LYG2: variants seen among roughly 807,000 people sequenced by gnomAD.
LYG2 encodes lysozyme g2.
A neutral mutation model predicts 22.4 loss-of-function variants in LYG2; 25 were observed. That is an observed-to-expected ratio of 1.12 (90% CI 0.81 to 1.56). The LOEUF is 1.56. Ranked by LOEUF, LYG2 falls within the 40% of genes most tolerant of loss-of-function variation. The pLI is 0.00. For missense variants in LYG2, 266 were observed against 269.5 expected (o/e 0.99, Z 0.09); for synonymous variants, 88 against 97.0 (o/e 0.91, Z 0.55).
chr2:99,247,603 C>T (rs1193159064), intron 3 of LYG2, among the ~76,000 whole-genome samples: 1 of 152,146 alleles, frequency 6.6e-6, no homozygotes, highest in Non-Finnish European at 1.5e-5. Context: ...CTCCCTCCCT[C>T]CTTCCTTTTA....
At chr2:99,252,739 A>G (rs2094028850) in intron 3 of LYG2, among the ~76,000 whole-genome samples, 1 of 152,064 alleles carries the variant, frequency 6.6e-6, no homozygotes. Context: ...GTTACCCAGG[A>G]AGCTTATTAA....
intron 6 of LYG2, chr2:99,243,324 G>A: frequency 1.0e-6 from 1 of 956,048 alleles, no homozygotes; most frequent in Non-Finnish European, 1.6e-6. Context: ...ATTCCATCTG[G>A]GAGATGCTGA....
intron 5 of LYG2, 63 bp from the exon 6 acceptor site, chr2:99,244,200 T>G: frequency 2.0e-6 from 3 of 1,528,192 alleles, no homozygotes; most frequent in Non-Finnish European, 2.7e-6. Context: ...CTGCCATTCC[T>G]AATTTCCTCT....
At chr2:99,251,723 C>G (rs549380120) in intron 3 of LYG2, among the ~76,000 whole-genome samples, 1 of 152,216 alleles carries the variant, frequency 6.6e-6, no homozygotes, top group South Asian at 2.1e-4. Context: ...CTAAGTGGAA[C>G]CAGCGCTCCT....
chr2:99,245,613 A>G (rs1379001161), intron 4 of LYG2, among the ~76,000 whole-genome samples, 155 bp from the exon 5 acceptor site: 3 of 51,584 alleles, frequency 5.8e-5, no homozygotes, highest in Non-Finnish European at 9.4e-5. Flanking sequence ...ATCTCTAATT[A>G]AAAAAAAAAA....
intron 2 of LYG2, among the ~76,000 whole-genome samples, chr2:99,254,491 C>T (rs772034913): frequency 3.9e-5 from 6 of 152,128 alleles, no homozygotes; most frequent in Non-Finnish European, 5.9e-5. Context: ...TCACTTCAAT[C>T]CAATTTCATA....
Position 99,255,049 on chromosome 2 carries a change from C to T in LYG2, c.-55G>A, listed in dbSNP as rs2105276275. ...TTTGCAACCTTACAGAGAAAATCTC[C>T]CCTCTCTGTTTGCAAAGGTCTTCTG... On this transcript the variant is annotated 5_prime_UTR_variant, in exon 2 of 7. Transcript: ENST00000333017. The T allele has an allele frequency of 6.6e-6, 1 of 152,334 alleles. No homozygotes were observed. The highest frequency in any genetic ancestry group is 6.5e-5 in the Admixed American group (1 of 15,290). The allele number at this position is 152,334 out of a possible 1,614,324, so 9.4% of individuals were successfully genotyped here. A position where few individuals can be genotyped will look rare whatever the true frequency, so the allele number is the denominator to read the frequency against.
At chr2:99,254,611 T>A (rs931024112) in intron 2 of LYG2, among the ~76,000 whole-genome samples, 2 of 152,028 alleles carry the variant, frequency 1.3e-5, no homozygotes, top group African/African-American at 4.8e-5. Flanking sequence ...AAAAAAAAAA[T>A]ACTGATCTTT....
At chr2:99,258,700 G>T (rs1227910208), upstream of LYG2, among the ~76,000 whole-genome samples, 1 of 152,192 alleles carries the variant, frequency 6.6e-6, no homozygotes, top group Non-Finnish European at 1.5e-5. Flanking sequence ...TGGTAAGAAG[G>T]CAGAAGGGGA....
chr2:99,243,451 G>GTT, intron 6 of LYG2: 1 of 1,549,940 alleles, frequency 6.5e-7, no homozygotes, highest in Non-Finnish European at 8.7e-7. Flanking sequence ...GTTGTTGACA[G>GTT]TTTCTTATAA....
At position 99,242,484 on chromosome 2, in the gene LYG2, T is replaced by G. The variant is rs138810405; in HGVS notation, c.521-2A>C. ...CTGACTTAAAAGCTGAGAGACCACC[T>G]GAAATGAAACACAGAGAATTAGGCT... On this transcript the variant is annotated splice_acceptor_variant, in intron 6 of 6. Transcript: ENST00000333017. LOFTEE classifies it high-confidence loss of function. 6.3e-7 allele frequency: 1 copy of G among 1,584,432 alleles called. No homozygotes were observed.
chr2:99,251,477 A>G (rs1476043048), intron 3 of LYG2, among the ~76,000 whole-genome samples: 1 of 152,234 alleles, frequency 6.6e-6, no homozygotes, highest in Non-Finnish European at 1.5e-5. Context: ...TAATAATGCT[A>G]ATGTCATTAG....
chr2:99,247,587 A>C (rs1364272062), intron 3 of LYG2, among the ~76,000 whole-genome samples: 3 of 152,074 alleles, frequency 2.0e-5, no homozygotes, highest in Non-Finnish European at 2.9e-5. Flanking sequence ...TTGCCTCCCT[A>C]CCTTCCTCCC....
upstream of LYG2, among the ~76,000 whole-genome samples, chr2:99,258,382 G>C (rs1233498624): frequency 6.6e-6 from 1 of 152,186 alleles, no homozygotes; most frequent in Non-Finnish European, 1.5e-5. Context: ...AGTCCTGATG[G>C]CTTAGCTTCT....
chr2:99,250,718 A>G (rs977962241), intron 3 of LYG2, among the ~76,000 whole-genome samples: 1 of 152,218 alleles, frequency 6.6e-6, no homozygotes, highest in Non-Finnish European at 1.5e-5. Flanking sequence ...AGGTTTGGCA[A>G]TACCCTCTGT....
intron 1 of LYG2, 125 bp from the exon 2 acceptor site, chr2:99,255,262 C>T (rs1247312182): frequency 6.6e-6 from 1 of 152,204 alleles, no homozygotes; most frequent in African/African-American, 2.4e-5. Context: ...ACTCACCTGG[C>T]TTTTCTTACC....
intron 4 of LYG2, among the ~76,000 whole-genome samples, chr2:99,246,390 A>G (rs148974908): frequency 1.3e-4 from 20 of 152,304 alleles, no homozygotes; most frequent in African/African-American, 4.6e-4. Context: ...AACATGAAGC[A>G]AACACAGCAG....
rs1229464759 is a variant in LYG2 at position 99,244,134 on chromosome 2, C to G, written c.385G>C (p.Asp129His). The change falls in exon 6 of 7, where the codon GAT becomes CAT. Residue 129 changes from aspartate (D) to histidine (H), a missense_variant. Transcript: ENST00000333017. ...RGLKFGLMQL[D>H]KQTYHPVGAW... ...CCGACAGGGTGGTACGTTTGTTTAT[C>G]AAGCTAGAAAATTCAGATAATAAAG... The G allele has an allele frequency of 1.2e-6, 2 of 1,611,946 alleles. No individual in the cohort carries two copies. The highest frequency in any genetic ancestry group is 2.7e-5 in the African/African-American group (2 of 74,820).
chr2:99,246,562 A>G (rs2094016363), intron 4 of LYG2, 118 bp downstream of exon 4: 2 of 1,242,554 alleles, frequency 1.6e-6, no homozygotes, highest in Admixed American at 2.5e-5. Context: ...CTCATTTTTA[A>G]TTTTGATACT....
Sources: gnomAD v4.1 joint callset for allele counts (sites outside exome capture counted in the v4.1 genomes callset) on GRCh38, gnomAD v4.1.1 for gene constraint, MANE v1.5 for transcripts, NCBI Gene and HGNC (gene_info 2026-07-23, HGNC 2026-07-21) for gene names.